OS9: variants seen among roughly 807,000 people sequenced by gnomAD.
The protein encoded by OS9 is OS9 endoplasmic reticulum lectin.
Under a neutral mutation model 84.7 loss-of-function variants are expected in OS9, and 58 were observed. The observed-to-expected ratio is 0.68, with a 90% CI of 0.55 to 0.85. The LOEUF is 0.85. Among genes scored for constraint, OS9 ranks in the 40% least tolerant of loss-of-function variants. The probability of loss-of-function intolerance (pLI) is 0.00; values close to 1 mark genes in which losing one functional copy is unlikely to be tolerated. For missense variants in OS9, 760 were observed against 850.9 expected (o/e 0.89, Z 1.33); for synonymous variants, 278 against 320.8 (o/e 0.87, Z 1.43).
At chr12:57,704,365 C>T (rs1366940360) in intron 5 of OS9, among the ~76,000 whole-genome samples, 1 of 151,968 alleles carries the variant, frequency 6.6e-6, no homozygotes, top group Non-Finnish European at 1.5e-5. Context: ...GGTGAAGCCT[C>T]ATCTCTACTG....
rs1954562233 is a variant in OS9, at chr12:57,718,139, C to T, written c.1135-7C>T. On this transcript the variant is annotated splice_region_variant and splice_polypyrimidine_tract_variant and intron_variant, in intron 10 of 14. Coordinates refer to ENST00000315970, the MANE Select transcript of OS9 (RefSeq NM_006812.4). Reference sequence around the variant, plus strand: ...ACTGTCTTTCTCCCCACTCCCTACCCACCCAGGGGAAGCCAAATATAGGCC... The same window carrying T: ...ACTGTCTTTCTCCCCACTCCCTACCTACCCAGGGGAAGCCAAATATAGGCC... The T allele has an allele frequency of 1.2e-6, 2 of 1,611,770 alleles. No individual in the cohort carries two copies. The highest frequency in any genetic ancestry group is 1.7e-5 in the Admixed American group (1 of 59,830).
chr12:57,710,101 C>T (rs915096782), intron 5 of OS9, among the ~76,000 whole-genome samples: 5 of 152,224 alleles, frequency 3.3e-5, no homozygotes, highest in African/African-American at 1.2e-4. Context: ...GATCCGCTCA[C>T]CTTGGCCTCC....
rs928963912 is a variant in OS9, at chr12:57,718,337, G to A, written c.1326G>A (p.Gly442=). The A allele has an allele frequency of 6.2e-7, 1 of 1,614,230 alleles. No individual in the cohort carries two copies. Among genetic ancestry groups the A allele is most frequent in the Non-Finnish European group, 8.5e-7 (1 of 1,180,044 alleles). ...GAGAATTTGAGAAGGAACTGGAAGG[G>A]ATCCTGCTTCCGTCAGACCGAGACC... ...LLGEFEKELE[G]ILLPSDRDRL... Residue 442 remains glycine (G), a synonymous_variant, in exon 11 of 15, where the codon GGG becomes GGA. Transcript: ENST00000315970.
intron 5 of OS9, among the ~76,000 whole-genome samples, chr12:57,711,170 T>TG (rs1954318818): frequency 6.6e-6 from 1 of 151,984 alleles, no homozygotes; most frequent in Non-Finnish European, 1.5e-5. Context: ...GTTTTGCATG[T>TG]ATCCTTCCAG....
At chr12:57,716,895 CACTGCTATTTTA>C in intron 9 of OS9, 151 bp downstream of exon 9, 1 of 661,694 alleles carries the variant, frequency 1.5e-6, no homozygotes, top group Middle Eastern at 4.1e-4. Flanking sequence ...TTGTAGACAG[CACTGCTATTTTA>C]GCAAGGTGGC....
intron 5 of OS9, among the ~76,000 whole-genome samples, chr12:57,698,865 A>G (rs888127256): frequency 6.6e-6 from 1 of 152,158 alleles, no homozygotes; most frequent in Non-Finnish European, 1.5e-5. Flanking sequence ...AGACAATCCA[A>G]GAGACAATGG....
At chr12:57,704,278 T>A (rs1481050048) in intron 5 of OS9, among the ~76,000 whole-genome samples, 2 of 152,226 alleles carry the variant, frequency 1.3e-5, no homozygotes, top group Non-Finnish European at 2.9e-5. Flanking sequence ...GGCTCACACC[T>A]GTAATCCCAG....
At position 57,715,890 on chromosome 12, in the gene OS9, C is replaced by G. The variant is rs1345648435; in HGVS notation, c.710C>G (p.Pro237Arg). 9 of 1,613,502 alleles carry G rather than the reference C, an allele frequency of 5.6e-6. No individual in the cohort carries two copies. Among genetic ancestry groups the G allele is most frequent in the Non-Finnish European group, 7.6e-6 (9 of 1,179,778 alleles). ...CCCCACCCTCTCCTCCGGCCCCCAC[C>G]CAGTGCTGCACCGCAGGCCATCCTC... The part of the protein sequence containing the change: ...LCPHPLLRPP[P>R]SAAPQAILCH... The change falls in exon 6 of 15, where the codon CCC becomes CGC. Residue 237 changes from proline (P) to arginine (R), a missense_variant. Transcript: ENST00000315970.
At chr12:57,715,028 AT>A (rs1422289601) in intron 5 of OS9, among the ~76,000 whole-genome samples, 38 of 152,342 alleles carry the variant, frequency 2.5e-4, no homozygotes, top group African/African-American at 8.2e-4. Context: ...ATATGCACAT[AT>A]ATAAAAATTA....
intron 5 of OS9, among the ~76,000 whole-genome samples, chr12:57,702,941 G>C (rs962412666): frequency 6.6e-6 from 1 of 152,050 alleles, no homozygotes; most frequent in African/African-American, 2.4e-5. Context: ...GTTGGTTTTT[G>C]TTGGTGAGTT....
Position 57,715,933 on chromosome 12 carries a change from G to C in OS9, c.753G>C (p.Gln251His), listed in dbSNP as rs1341952732. The C allele has an allele frequency of 6.2e-7, 1 of 1,613,048 alleles. No individual in the cohort carries two copies. Among genetic ancestry groups the C allele is most frequent in the Non-Finnish European group, 8.5e-7 (1 of 1,179,600 alleles). Residue 251 changes from glutamine to histidine, a missense_variant, in exon 6 of 15, where the codon CAG (glutamine) becomes CAC (histidine). Physicochemically the swap from Gln to His is conservative, Grantham distance 24. Transcript: ENST00000315970. The part of the protein sequence containing the change: ...PQAILCHPSL[Q>H]PEEYMAYVQR... ...CCATCCTCTGTCACCCTTCCCTACA[G>C]CCTGAGGAGTACATGGCCTACGTTC...
intron 12 of OS9, 67 bp from the exon 13 acceptor site, chr12:57,720,032 C>A: frequency 2.1e-6 from 3 of 1,459,352 alleles, no homozygotes; most frequent in East Asian, 2.3e-5. Context: ...GGGGAGATGA[C>A]CCCCACACCC....
chr12:57,719,228 A>G (rs905807696), intron 12 of OS9, 46 bp downstream of exon 12: 1 of 1,548,670 alleles, frequency 6.5e-7, no homozygotes, highest in African/African-American at 1.4e-5. Flanking sequence ...TGTTGTTTTC[A>G]TCCCTCAGCT....
chr12:57,716,274 T>TG (rs1954489297), intron 7 of OS9, 81 bp downstream of exon 7: 19 of 317,470 alleles, frequency 6.0e-5, no homozygotes, highest in Admixed American at 1.0e-4. Context: ...GACTGACTGG[T>TG]GGGGTGGGGG....
chr12:57,701,352 T>C (rs1954021181), intron 5 of OS9, among the ~76,000 whole-genome samples: 1 of 140,816 alleles, frequency 7.1e-6, no homozygotes, highest in African/African-American at 2.7e-5. Flanking sequence ...CTAGGCTCAC[T>C]GCAACCTCGG....
intron 5 of OS9, among the ~76,000 whole-genome samples, chr12:57,713,531 G>T (rs569020679): frequency 1.9e-4 from 29 of 152,084 alleles, no homozygotes; most frequent in African/African-American, 6.0e-4. Flanking sequence ...TAAAGCCTCT[G>T]CCCTGTGGGT....
At chr12:57,714,590 G>T (rs145138092) in intron 5 of OS9, among the ~76,000 whole-genome samples, 1 of 152,056 alleles carries the variant, frequency 6.6e-6, no homozygotes, top group African/African-American at 2.4e-5. Context: ...TCAGAAGTAG[G>T]ACCGCTCCCA....
intron 2 of OS9, 169 bp downstream of exon 2, chr12:57,695,095 A>C (rs766075431): frequency 1.1e-4 from 68 of 618,360 alleles, no homozygotes; most frequent in Middle Eastern, 4.2e-4. Context: ...TCCTGCAACC[A>C]CTGATGACAC....
chr12:57,716,834 G>A, intron 9 of OS9, 90 bp downstream of exon 9: 1 of 1,199,994 alleles, frequency 8.3e-7, no homozygotes, highest in Non-Finnish European at 1.2e-6. Context: ...TGGGAGGGAG[G>A]TTGGGTAGCC....
Sources: gnomAD v4.1 joint callset for allele counts (sites outside exome capture counted in the v4.1 genomes callset) on GRCh38, gnomAD v4.1.1 for gene constraint, MANE v1.5 for transcripts, NCBI Gene and HGNC (gene_info 2026-07-23, HGNC 2026-07-21) for gene names.